GFPT1: variants seen among roughly 807,000 people sequenced by gnomAD.
GFPT1 encodes the protein glutamine--fructose-6-phosphate aminotransferase [isomerizing] 1.
GFPT1 carries 40 observed loss-of-function variants against 92.0 expected under a neutral mutation model. That is an observed-to-expected ratio of 0.43 (90% CI 0.34 to 0.57). The LOEUF (loss-of-function observed/expected upper bound fraction) is 0.57. Among genes scored for constraint, GFPT1 ranks in the 20% least tolerant of loss-of-function variants. The pLI is 0.02. For synonymous variants in GFPT1, 269 were observed against 280.6 expected (o/e 0.96, Z 0.41); for missense variants, 448 against 869.1 (o/e 0.52, Z 6.09).
intron 13 of GFPT1, among the ~76,000 whole-genome samples, chr2:69,339,124 C>T (rs923373372): frequency 1.1e-4 from 16 of 152,148 alleles, no homozygotes; most frequent in African/African-American, 3.9e-4. Context: ...ACATATAAAA[C>T]GTTTTGAGAA....
chr2:69,327,071 C>T lies in GFPT1; in HGVS notation c.1898G>A (p.Arg633Gln), dbSNP rs2104595615. Residue 633 changes from arginine (R) to glutamine (Q), a missense_variant, in exon 19 of 20, where the codon CGG becomes CAG. Transcript: ENST00000357308. ...CTCCTTATCACAAATTACCACAGGC[C>T]GCCCCTAGGAAAGAAAATCACACAC... ...ALQQVVARQG[R>Q]PVVICDKEDT... 6.2e-7 allele frequency: 1 copy of T among 1,613,896 alleles called. No individual in the cohort carries two copies. The highest frequency in any genetic ancestry group is 8.5e-7 in the Non-Finnish European group (1 of 1,179,922).
At chr2:69,360,837 C>T (rs1318282539) in intron 4 of GFPT1, among the ~76,000 whole-genome samples, 4 of 152,106 alleles carry the variant, frequency 2.6e-5, no homozygotes, top group Non-Finnish European at 4.4e-5. Context: ...TGGGTTCCAG[C>T]GATTCTCCTG....
intron 13 of GFPT1, among the ~76,000 whole-genome samples, chr2:69,339,147 T>C (rs1259937247): frequency 6.6e-6 from 1 of 152,208 alleles, no homozygotes; most frequent in African/African-American, 2.4e-5. Context: ...GGAAAGAGCA[T>C]GGTTCTGAGT....
At chr2:69,378,252 C>G (rs1671927223) in intron 1 of GFPT1, among the ~76,000 whole-genome samples, 1 of 152,142 alleles carries the variant, frequency 6.6e-6, no homozygotes, top group Admixed American at 6.5e-5. Flanking sequence ...GTGATCCACT[C>G]GCCTCAGCCT....
At chr2:69,345,388 G>C (rs1450934568) in intron 12 of GFPT1, among the ~76,000 whole-genome samples, 1 of 152,148 alleles carries the variant, frequency 6.6e-6, no homozygotes, top group Non-Finnish European at 1.5e-5. Flanking sequence ...TATACACTCA[G>C]AAAGGAAACC....
At position 69,366,243 on chromosome 2, in the gene GFPT1, C is replaced by T. The variant is rs76842518; in HGVS notation, c.224-2573G>A. ...TTTCAAATTCATGATAATTACCACA[C>T]CTTTATTTCACTGTTGCTGTAGGAA... On this transcript the variant is annotated intron_variant, in intron 3 of 19. Transcript: ENST00000357308. Among the ~76,000 whole-genome samples, 385 of 152,322 alleles carry T rather than the reference C, an allele frequency of 2.5e-3. 5 individuals carry two copies. In the East Asian group the frequency reaches 0.034, roughly 14 times the overall value.
In GFPT1 at chr2:69,325,914, C is replaced by CGGTGGTCG; in HGVS notation, c.*274_*275insCGACCACC. On this transcript the variant is annotated 3_prime_UTR_variant, in exon 20 of 20. Transcript: ENST00000357308. ...AAGTGGAGGGTCCAGAAATGCAACA[C>CGGTGGTCG]CCAGCATTCTTTAAAGAAAATAATA... The CGGTGGTCG allele has an allele frequency of 2.7e-6, 1 of 371,124 alleles. No homozygotes were observed. 23.0% of individuals were successfully genotyped at this position (371,124 alleles called of 1,614,324 possible).
intron 3 of GFPT1, among the ~76,000 whole-genome samples, chr2:69,368,887 C>T (rs1402867826): frequency 6.6e-6 from 1 of 152,194 alleles, no homozygotes; most frequent in Non-Finnish European, 1.5e-5. Flanking sequence ...TCCATCAACA[C>T]GCCTGCCATT....
chr2:69,354,178 C>A (rs1671278012), intron 9 of GFPT1, 81 bp downstream of exon 9: 2 of 940,316 alleles, frequency 2.1e-6, no homozygotes, highest in Non-Finnish European at 3.2e-6. Flanking sequence ...CACATTCATT[C>A]ACTCCAAGAA....
At chr2:69,381,274 C>T (rs773123835) in intron 1 of GFPT1, among the ~76,000 whole-genome samples, 13 of 152,108 alleles carry the variant, frequency 8.5e-5, no homozygotes, top group Non-Finnish European at 1.5e-4. Flanking sequence ...TGAGCCACTG[C>T]GCCTGGCCAG....
intron 1 of GFPT1, among the ~76,000 whole-genome samples, chr2:69,377,772 G>A (rs1671912747): frequency 6.6e-6 from 1 of 152,220 alleles, no homozygotes; most frequent in Admixed American, 6.5e-5. Flanking sequence ...GAACCTGTCA[G>A]TTTCATAGCC....
chr2:69,340,118 T>C (rs1670904747), intron 13 of GFPT1, among the ~76,000 whole-genome samples: 1 of 150,048 alleles, frequency 6.7e-6, no homozygotes, highest in Non-Finnish European at 1.5e-5. Flanking sequence ...TAATTAATAG[T>C]TTATTATTTT....
At chr2:69,371,480 A>G (rs1453487863) in intron 2 of GFPT1, 1 of 152,108 alleles carries the variant, frequency 6.6e-6, no homozygotes, top group Non-Finnish European at 1.5e-5. Context: ...AATCTGGATT[A>G]AAAGAAATAC....
At chr2:69,328,526 A>T in intron 17 of GFPT1, 88 bp from the exon 18 acceptor site, 1 of 902,894 alleles carries the variant, frequency 1.1e-6, no homozygotes, top group East Asian at 2.5e-5. Context: ...TGATATGTCA[A>T]GCCACTGTCT....
chr2:69,370,728 A>G (rs1377491269), intron 2 of GFPT1, among the ~76,000 whole-genome samples: 2 of 152,220 alleles, frequency 1.3e-5, no homozygotes, highest in Non-Finnish European at 2.9e-5. Context: ...GCAGACAGAA[A>G]TAAATGATAT....
intron 1 of GFPT1, among the ~76,000 whole-genome samples, chr2:69,378,161 T>A (rs1223166241): frequency 6.6e-6 from 1 of 152,160 alleles, no homozygotes; most frequent in Non-Finnish European, 1.5e-5. Flanking sequence ...GCCGCCGCCA[T>A]GCCCGGCTAA....
chr2:69,364,036 A>G lies in GFPT1; in HGVS notation c.224-366T>C, dbSNP rs919109747. On this transcript the variant is annotated intron_variant, in intron 3 of 19. Coordinates refer to ENST00000357308, the MANE Select transcript of GFPT1 (RefSeq NM_001244710.2). ...AGGCAGAGGCAGGATATTCGCCTGA[A>G]CCCAGGAGGCAGAGGTTGCAGTGAG... Among the ~76,000 whole-genome samples the G allele has an allele frequency of 1.1e-4, 17 of 150,136 alleles. No individual in the cohort carries two copies. In the Admixed American group the frequency reaches 1.1e-3, roughly 10 times the overall value.
intron 12 of GFPT1, among the ~76,000 whole-genome samples, chr2:69,345,584 C>T (rs753893003): frequency 1.3e-5 from 2 of 152,176 alleles, no homozygotes; most frequent in Non-Finnish European, 2.9e-5. Flanking sequence ...GTGCAACCAT[C>T]ACTACAATCC....
intron 13 of GFPT1, 58 bp from the exon 14 acceptor site, chr2:69,338,623 C>T (rs1670860167): frequency 2.5e-6 from 4 of 1,580,344 alleles, no homozygotes; most frequent in Non-Finnish European, 2.6e-6. Flanking sequence ...TTTCATCGGA[C>T]TTCTTTGGAT....
Sources: allele counts gnomAD v4.1 joint callset (sites outside exome capture counted in the v4.1 genomes callset), GRCh38; gene constraint gnomAD v4.1.1; transcripts MANE v1.5; gene names NCBI Gene and HGNC (gene_info 2026-07-23, HGNC 2026-07-21).